The following KDM6A variants were observed in gnomAD, a reference collection of about 807,000 sequenced individuals.
KDM6A encodes the protein lysine demethylase 6A.
KDM6A carries 11 observed loss-of-function variants against 117.6 expected under a neutral mutation model. The ratio of observed to expected loss-of-function variants is 0.09; its 90% CI spans 0.06 to 0.15. The LOEUF (loss-of-function observed/expected upper bound fraction) is 0.15, where lower values mean the gene tolerates loss of function less well. Ranked by LOEUF, KDM6A falls within the 10% of genes least tolerant of loss-of-function variation. The pLI is 1.00. For synonymous variants in KDM6A, 384 were observed against 396.1 expected, an observed-to-expected ratio of 0.97 and a Z score of 0.36; for missense variants, 799 against 1,077.3, an observed-to-expected ratio of 0.74 and a Z score of 3.62.
intron 4 of KDM6A, among the ~76,000 whole-genome samples, chrX:44,995,099 A>G (rs1344140485): frequency 1.8e-5 from 2 of 111,639 alleles, no homozygotes; most frequent in Non-Finnish European, 3.8e-5. Flanking sequence ...TGGTGGTTCT[A>G]TTGTTAGTTT....
intron 2 of KDM6A, among the ~76,000 whole-genome samples, chrX:44,953,300 G>T (rs2038129798): frequency 9.0e-6 from 1 of 111,279 alleles, no homozygotes; most frequent in Non-Finnish European, 1.9e-5. Context: ...GTAGGCAGAG[G>T]AGGGGATGAA....
intron 2 of KDM6A, among the ~76,000 whole-genome samples, chrX:44,950,102 C>G (rs2037901183): frequency 9.1e-6 from 1 of 110,123 alleles, no homozygotes; most frequent in Admixed American, 9.7e-5. Flanking sequence ...CTGCAAGCTC[C>G]GCCTCCCGGG....
At chrX:45,014,364 G>C (rs1448575839) in intron 5 of KDM6A, among the ~76,000 whole-genome samples, 1 of 111,613 alleles carries the variant, frequency 9.0e-6, no homozygotes, top group Non-Finnish European at 1.9e-5. Flanking sequence ...CCTCTTCTTA[G>C]ACAGAGGAGC....
intron 2 of KDM6A, among the ~76,000 whole-genome samples, chrX:44,905,937 G>A (rs2034624130): frequency 8.9e-6 from 1 of 112,015 alleles, no homozygotes; most frequent in Admixed American, 9.4e-5. Flanking sequence ...CTGTATATGT[G>A]GCTATAATTT....
At chrX:44,877,876 A>T (rs2031846180) in intron 2 of KDM6A, among the ~76,000 whole-genome samples, 1 of 111,532 alleles carries the variant, frequency 9.0e-6, no homozygotes, top group African/African-American at 3.3e-5. Flanking sequence ...GCATTAAAAC[A>T]GTTGGTGTTT....
intron 2 of KDM6A, among the ~76,000 whole-genome samples, chrX:44,943,164 A>G (rs1026441957): frequency 9.0e-6 from 1 of 111,223 alleles, no homozygotes; most frequent in Non-Finnish European, 1.9e-5. Flanking sequence ...CCTTGGAGAT[A>G]TTGGGAGTTT....
chrX:45,074,496 C>G (rs906168750), intron 18 of KDM6A, among the ~76,000 whole-genome samples: 1 of 111,905 alleles, frequency 8.9e-6, no homozygotes, highest in Non-Finnish European at 1.9e-5. Context: ...TCAGTTCCTT[C>G]AGGGAAATTC....
chrX:44,961,490 G>A, intron 3 of KDM6A, 98 bp downstream of exon 3: 1 of 551,821 alleles, frequency 1.8e-6, no homozygotes, highest in Non-Finnish European at 3.0e-6. Flanking sequence ...AATTGTAAGT[G>A]CATGAGCAAA....
intron 2 of KDM6A, among the ~76,000 whole-genome samples, chrX:44,879,601 A>T (rs982243557): frequency 6.2e-5 from 7 of 112,532 alleles, no homozygotes; most frequent in Non-Finnish European, 1.3e-4. Context: ...TGTAGATAGT[A>T]TGAAGATAGC....
At chrX:44,933,552 C>T (rs892937622) in intron 2 of KDM6A, among the ~76,000 whole-genome samples, 2 of 106,734 alleles carry the variant, frequency 1.9e-5, no homozygotes, top group Non-Finnish European at 1.9e-5. Context: ...GATTTACAGG[C>T]GTGAGCTACT....
intron 2 of KDM6A, among the ~76,000 whole-genome samples, chrX:44,911,310 C>T (rs1323515530): frequency 1.9e-5 from 2 of 105,156 alleles, no homozygotes; most frequent in South Asian, 4.3e-4. Flanking sequence ...ACTTCTCAGA[C>T]GGGGCGGCTG....
At chrX:44,898,273 G>A (rs2034052024) in intron 2 of KDM6A, among the ~76,000 whole-genome samples, 1 of 111,988 alleles carries the variant, frequency 8.9e-6, no homozygotes, top group East Asian at 2.8e-4. Context: ...CCCCCTCTGG[G>A]TACCACTGGC....
chrX:44,976,739 A>G (rs760845826), intron 4 of KDM6A, among the ~76,000 whole-genome samples: 15 of 111,536 alleles, frequency 1.3e-4, no homozygotes, highest in Non-Finnish European at 2.6e-4. Flanking sequence ...GTTGATGGGC[A>G]TTTGGGTTGT....
intron 2 of KDM6A, among the ~76,000 whole-genome samples, chrX:44,951,243 T>A (rs1370308659): frequency 9.0e-6 from 1 of 111,595 alleles, no homozygotes; most frequent in African/African-American, 3.3e-5. Context: ...TCAATTTCCT[T>A]AGGATTTTGA....
chrX:45,055,174 T>C (rs1228367883), intron 10 of KDM6A, among the ~76,000 whole-genome samples: 1 of 111,714 alleles, frequency 9.0e-6, no homozygotes, highest in Non-Finnish European at 1.9e-5. Context: ...GAATACTTGA[T>C]TGTAAGTAAA....
At chrX:44,913,263 C>T (rs2035324635) in intron 2 of KDM6A, among the ~76,000 whole-genome samples, 1 of 107,937 alleles carries the variant, frequency 9.3e-6, no homozygotes, top group African/African-American at 3.4e-5. Flanking sequence ...TGTAAGAATA[C>T]AGTATATAAT....
intron 2 of KDM6A, among the ~76,000 whole-genome samples, chrX:44,947,064 A>G (rs986776407): frequency 8.9e-6 from 1 of 112,248 alleles, no homozygotes; most frequent in African/African-American, 3.2e-5. Context: ...TTTTCGTAGC[A>G]TATTTATTCC....
chrX:45,029,511 C>T (rs1470140760), intron 6 of KDM6A, among the ~76,000 whole-genome samples: 1 of 108,780 alleles, frequency 9.2e-6, no homozygotes, highest in Admixed American at 9.9e-5. Context: ...ACTCCAGAGG[C>T]GGAGGCCCAA....
chrX:45,004,444 C>T (rs140554136), intron 4 of KDM6A, among the ~76,000 whole-genome samples: 18 of 111,413 alleles, frequency 1.6e-4, no homozygotes, highest in African/African-American at 5.2e-4. Flanking sequence ...ACTTAGGGGA[C>T]GGTCTTCTCA....
Sources: allele counts gnomAD v4.1 joint callset (sites outside exome capture counted in the v4.1 genomes callset), GRCh38; gene constraint gnomAD v4.1.1; transcripts MANE v1.5; gene names NCBI Gene and HGNC (gene_info 2026-07-23, HGNC 2026-07-21).